PRKCE: variants seen among roughly 807,000 people sequenced by gnomAD.
PRKCE encodes protein kinase C epsilon, also known as protein kinase C epsilon type.
A neutral mutation model predicts 85.4 loss-of-function variants in PRKCE; 16 were observed. The ratio of observed to expected loss-of-function variants is 0.19; its 90% CI spans 0.13 to 0.28. PRKCE has a LOEUF of 0.28. PRKCE is among the 10% of genes least tolerant of loss of function. PRKCE has a pLI of 1.00. For synonymous variants in PRKCE, 388 were observed against 371.5 expected (o/e 1.04, Z -0.51); for missense variants, 573 against 975.2 (o/e 0.59, Z 5.49).
chr2:46,029,223 G>A (rs775587399), intron 10 of PRKCE, among the ~76,000 whole-genome samples: 4 of 152,164 alleles, frequency 2.6e-5, no homozygotes, highest in Non-Finnish European at 5.9e-5. Context: ...GACACAGGGA[G>A]GTAGAATGAC....
At position 46,159,475 on chromosome 2, in the gene PRKCE, C is replaced by T. The variant is rs1677545097; in HGVS notation, c.1921-131C>T. 1.2e-5 allele frequency: 11 copies of T among 945,480 alleles called. No homozygotes were observed. The South Asian group carries it at 2.1e-4, about 18-fold the overall frequency. 58.6% of individuals were successfully genotyped at this position (945,480 alleles called of 1,614,324 possible). A position where few individuals can be genotyped will look rare whatever the true frequency, so the allele number is the denominator to read the frequency against. Reference sequence around the variant, plus strand: ...TAAAGAAAACCCAACAGATGTGGCCCTTGAAAGTGCAAAGAACAGACTTGG... The same window carrying T: ...TAAAGAAAACCCAACAGATGTGGCCTTTGAAAGTGCAAAGAACAGACTTGG... On this transcript the variant is annotated intron_variant, in intron 13 of 14. Coordinates refer to ENST00000306156, the MANE Select transcript of PRKCE (RefSeq NM_005400.3). The surrounding 1 kb of genome is among the most constrained non-coding windows in gnomAD (Gnocchi z 4.1).
intron 1 of PRKCE, among the ~76,000 whole-genome samples, chr2:45,802,489 A>T (rs1361269996): frequency 6.6e-6 from 1 of 152,176 alleles, no homozygotes; most frequent in Non-Finnish European, 1.5e-5. Context: ...ATGTGTTTTG[A>T]AAACCTCAAC....
At chr2:45,744,677 C>T (rs554681656) in intron 1 of PRKCE, among the ~76,000 whole-genome samples, 119 of 151,402 alleles carry the variant, frequency 7.9e-4, no homozygotes, top group African/African-American at 2.6e-3. Flanking sequence ...GTGCCGTCTC[C>T]GGCTCACTGC....
At chr2:45,741,238 C>T (rs773366053) in intron 1 of PRKCE, among the ~76,000 whole-genome samples, 1 of 152,156 alleles carries the variant, frequency 6.6e-6, no homozygotes, top group Non-Finnish European at 1.5e-5. Context: ...TTTGTATGTT[C>T]AGCAATGAGG....
At chr2:45,980,828 G>A (rs1702833147) in intron 5 of PRKCE, among the ~76,000 whole-genome samples, 1 of 152,140 alleles carries the variant, frequency 6.6e-6, no homozygotes, top group Admixed American at 6.5e-5. Context: ...AACAACCACG[G>A]GAATAAAAAG....
chr2:46,032,667 G>A (rs1043033464), intron 10 of PRKCE, among the ~76,000 whole-genome samples: 1 of 152,188 alleles, frequency 6.6e-6, no homozygotes, highest in Non-Finnish European at 1.5e-5. Context: ...CTTGGAGTCA[G>A]GCTGGCTAGA....
chr2:45,952,299 A>G (rs1700676906), intron 2 of PRKCE, among the ~76,000 whole-genome samples: 1 of 152,246 alleles, frequency 6.6e-6, no homozygotes, highest in Non-Finnish European at 1.5e-5. Flanking sequence ...AATGATATAC[A>G]CATTTCATTA....
At chr2:45,720,871 G>C (rs1680560007) in intron 1 of PRKCE, among the ~76,000 whole-genome samples, 1 of 152,122 alleles carries the variant, frequency 6.6e-6, no homozygotes, top group Admixed American at 6.5e-5. Flanking sequence ...CACTTTGGGA[G>C]GCCGAGGTGG....
intron 2 of PRKCE, among the ~76,000 whole-genome samples, chr2:45,903,881 G>GTTTT (rs34124689): frequency 0.22 from 25,631 of 116,690 alleles, 2,880 homozygotes; most frequent in East Asian, 0.28. Context: ...TAGCCTGGCA[G>GTTTT]TTTTTTTTTG....
intron 2 of PRKCE, among the ~76,000 whole-genome samples, chr2:45,902,233 G>C (rs944630921): frequency 6.6e-6 from 1 of 152,176 alleles, no homozygotes; most frequent in African/African-American, 2.4e-5. Flanking sequence ...GTGCATGAGA[G>C]AAGCCAGCTC....
chr2:45,699,413 A>G (rs1558569563), intron 1 of PRKCE, among the ~76,000 whole-genome samples: 3 of 152,232 alleles, frequency 2.0e-5, no homozygotes, highest in Admixed American at 2.0e-4. Flanking sequence ...TGACTTGATC[A>G]GAGCTCAGTA....
At chr2:46,013,796 CT>C (rs1228271307) in intron 10 of PRKCE, among the ~76,000 whole-genome samples, 1 of 151,994 alleles carries the variant, frequency 6.6e-6, no homozygotes, top group East Asian at 1.9e-4. Context: ...AAAAATGGTC[CT>C]TTTGGAAACA....
chr2:45,661,530 G>GTTT (rs11406618), intron 1 of PRKCE, among the ~76,000 whole-genome samples: 3 of 104,816 alleles, frequency 2.9e-5, no homozygotes, highest in African/African-American at 1.1e-4. Context: ...TTTGTTTTTT[G>GTTT]TTTTTTTTTT....
Position 46,187,223 on chromosome 2 carries a change from A to C in PRKCE, c.*2342A>C, listed in dbSNP as rs139093864. The C allele has an allele frequency of 1.3e-5, 2 of 152,674 alleles. No individual in the cohort carries two copies. The highest frequency in any genetic ancestry group is 2.9e-5 in the Non-Finnish European group (2 of 68,046). 9.5% of individuals were successfully genotyped at this position (152,674 alleles called of 1,614,324 possible). A position where few individuals can be genotyped will look rare whatever the true frequency, so the allele number is the denominator to read the frequency against. Reference sequence around the variant, plus strand: ...TCCGAGGGCCTAGTGTTTGCACGGCAGTGGGAACTGGGCCTTTCCTACAGG... The same window carrying C: ...TCCGAGGGCCTAGTGTTTGCACGGCCGTGGGAACTGGGCCTTTCCTACAGG... On this transcript the variant is annotated 3_prime_UTR_variant, in exon 15 of 15. Transcript: ENST00000306156.
In PRKCE at chr2:46,086,305, A is replaced by T; in HGVS notation, c.1535A>T (p.Tyr512Phe). The T allele has an allele frequency of 1.3e-6, 2 of 1,599,678 alleles. No individual in the cohort carries two copies. Among genetic ancestry groups the T allele is most frequent in the Non-Finnish European group, 1.7e-6 (2 of 1,179,930 alleles). The change falls in exon 11 of 15, where the codon TAT becomes TTT. Residue 512 changes from tyrosine (Y) to phenylalanine (F), a missense_variant. Tyr to Phe is a conservative substitution (Grantham distance 22). Coordinates refer to ENST00000306156, the MANE Select transcript of PRKCE (RefSeq NM_005400.3). ...TTCGACGAGCCTCGTTCACGGTTCT[A>T]TGCTGCAGAGGTCACATCGGCCCTC... ...RKFDEPRSRFYAAEVTSALMF... is the reference protein window; with the variant it reads ...RKFDEPRSRFFAAEVTSALMF...
chr2:45,670,949 C>T (rs1346582197), intron 1 of PRKCE, among the ~76,000 whole-genome samples: 1 of 152,214 alleles, frequency 6.6e-6, no homozygotes, highest in Non-Finnish European at 1.5e-5. Flanking sequence ...TGGCATTCAA[C>T]ATCAGATAGT....
chr2:45,687,367 T>A (rs889823149), intron 1 of PRKCE, among the ~76,000 whole-genome samples: 1 of 152,120 alleles, frequency 6.6e-6, no homozygotes, highest in South Asian at 2.1e-4. Flanking sequence ...CAGAAAGATA[T>A]CCAACTTACA....
intron 1 of PRKCE, among the ~76,000 whole-genome samples, chr2:45,817,517 C>A (rs960623831): frequency 7.2e-6 from 1 of 139,368 alleles, no homozygotes; most frequent in Non-Finnish European, 1.6e-5. Context: ...CACGGTGAAA[C>A]CCCGTCTCTA....
At chr2:45,727,221 A>G (rs563758576) in intron 1 of PRKCE, among the ~76,000 whole-genome samples, 16 of 152,134 alleles carry the variant, frequency 1.1e-4, no homozygotes, top group Non-Finnish European at 2.4e-4. Flanking sequence ...CAGCTTACCT[A>G]CCTCTTAAGG....
Sources: gnomAD v4.1 joint callset for allele counts (sites outside exome capture counted in the v4.1 genomes callset) on GRCh38, gnomAD v4.1.1 for gene constraint, Gnocchi (gnomAD v3.1) non-coding constraint, MANE v1.5 for transcripts, NCBI Gene and HGNC (gene_info 2026-07-23, HGNC 2026-07-21) for gene names.